Variants in USP45 observed in about 807,000 individuals in gnomAD.
The protein encoded by USP45 is ubiquitin specific peptidase 45.
In USP45, 89 loss-of-function variants were observed where a neutral mutation model predicts 95.8. The ratio of observed to expected loss-of-function variants is 0.93; its 90% CI spans 0.78 to 1.11. USP45 has a LOEUF of 1.11. USP45 is among the 50% of genes least tolerant of loss of function. The pLI is 0.00. For synonymous variants in USP45, 281 were observed against 316.2 expected, an observed-to-expected ratio of 0.89 and a Z score of 1.18; for missense variants, 898 against 942.5, an observed-to-expected ratio of 0.95 and a Z score of 0.62.
rs980687341 is a variant in USP45, at chr6:99,509,960, G to A, written c.100+161C>T. Among the ~76,000 whole-genome samples, 5 of 152,164 alleles carry A rather than the reference G, an allele frequency of 3.3e-5. No homozygotes were observed. The East Asian group carries it at 9.6e-4, about 29-fold the overall frequency. On this transcript the variant is annotated intron_variant, in intron 2 of 17. Coordinates refer to ENST00000500704, the MANE Select transcript of USP45 (RefSeq NM_001346022.3). ...TAGAAGTCAGCCTGCCAAGTATGCA[G>A]TTTTCACGCATCCCAAGAATAGTGT...
intron 2 of USP45, among the ~76,000 whole-genome samples, chr6:99,509,506 G>C (rs1006966874): frequency 6.6e-6 from 1 of 152,094 alleles, no homozygotes; most frequent in African/African-American, 2.4e-5. Context: ...TAGCAAGAAA[G>C]TGAGGAAAAT....
At chr6:99,480,664 CA>C (rs1295281593) in intron 8 of USP45, among the ~76,000 whole-genome samples, 88 of 129,906 alleles carry the variant, frequency 6.8e-4, no homozygotes, top group Non-Finnish European at 6.6e-4. Context: ...AACTCCGTCT[CA>C]AAAAAAAAAA....
chr6:99,490,992 CT>C (rs1256209726), intron 5 of USP45, among the ~76,000 whole-genome samples: 1 of 152,116 alleles, frequency 6.6e-6, no homozygotes, highest in African/African-American at 2.4e-5. Flanking sequence ...CCCCCTATTC[CT>C]GTTTTTTTTA....
At chr6:99,440,208 T>A (rs1781261949) in intron 15 of USP45, among the ~76,000 whole-genome samples, 1 of 152,202 alleles carries the variant, frequency 6.6e-6, no homozygotes, top group African/African-American at 2.4e-5. Context: ...ATTGGTGTTC[T>A]AGGCCTAACT....
chr6:99,493,926 C>G (rs544167488), intron 5 of USP45, among the ~76,000 whole-genome samples: 1 of 152,304 alleles, frequency 6.6e-6, no homozygotes, highest in South Asian at 2.1e-4. Context: ...TAAAAATTCT[C>G]TTCTTCCTTT....
At position 99,437,311 on chromosome 6, in the gene USP45, T is replaced by C; in HGVS notation, c.2249A>G (p.Tyr750Cys). ...GSMREGHYTA[Y>C]VKVRTPSRKL... ...CCTGGAGGGTGTTCTCACTTTCACATAAGCAGTGTAGTGGCCTTCTCTCAT... is the reference window on the plus strand; with the variant it reads ...CCTGGAGGGTGTTCTCACTTTCACACAAGCAGTGTAGTGGCCTTCTCTCAT... The change falls in exon 17 of 18, where the codon TAT becomes TGT. Residue 750 changes from tyrosine (Y) to cysteine (C), a missense_variant. Transcript: ENST00000500704. 6.2e-7 allele frequency: 1 copy of C among 1,613,964 alleles called. No individual in the cohort carries two copies. Among genetic ancestry groups the C allele is most frequent in the South Asian group, 1.1e-5 (1 of 91,022 alleles).
intron 13 of USP45, among the ~76,000 whole-genome samples, chr6:99,460,513 T>C (rs1786169967): frequency 6.6e-6 from 1 of 152,180 alleles, no homozygotes; most frequent in African/African-American, 2.4e-5. Context: ...AAAATTTACA[T>C]AGGTTAAGTT....
chr6:99,487,955 G>GT (rs1248341705), intron 7 of USP45, among the ~76,000 whole-genome samples: 1 of 152,158 alleles, frequency 6.6e-6, no homozygotes, highest in Non-Finnish European at 1.5e-5. Context: ...CTTCCAGTAT[G>GT]TTTATTTTAA....
rs542403692 is a variant in USP45 at position 99,432,352 on chromosome 6, C to T, written c.*3364G>A. 2 of 152,206 alleles carry T rather than the reference C, an allele frequency of 1.3e-5. No individual in the cohort carries two copies. Among genetic ancestry groups the T allele is most frequent in the African/African-American group, 4.8e-5 (2 of 41,506 alleles). The allele number at this position is 152,206 out of a possible 1,614,324, so 9.4% of individuals were successfully genotyped here. ...GTTGATGGTATTTTATTATAGCAGC[C>T]TGAGTGGACTAAGACATAAGCAAAT... is the stretch of plus-strand genomic sequence containing the variant. On this transcript the variant is annotated 3_prime_UTR_variant, in exon 18 of 18. Coordinates refer to ENST00000500704, the MANE Select transcript of USP45 (RefSeq NM_001346022.3).
upstream of USP45, among the ~76,000 whole-genome samples, chr6:99,516,673 C>T (rs575987135): frequency 1.3e-5 from 2 of 152,128 alleles, no homozygotes; most frequent in East Asian, 3.9e-4. Flanking sequence ...AGAAAATATT[C>T]CTCAAATAAG....
intron 9 of USP45, among the ~76,000 whole-genome samples, chr6:99,475,440 CA>C (rs1790578272): frequency 6.6e-6 from 1 of 151,604 alleles, no homozygotes; most frequent in Admixed American, 6.6e-5. Flanking sequence ...CTCAGCCTCC[CA>C]AGTAGCTAGG....
At chr6:99,474,385 A>G (rs1052144913) in intron 9 of USP45, among the ~76,000 whole-genome samples, 10 of 152,166 alleles carry the variant, frequency 6.6e-5, no homozygotes, top group Non-Finnish European at 1.3e-4. Flanking sequence ...TTTAGTAGAC[A>G]CATGGTTTCA....
In USP45 at chr6:99,446,194, G is replaced by C; in HGVS notation, c.1578C>G (p.Ser526=). Residue 526 remains serine, a synonymous_variant, in exon 14 of 18, where the codon TCC becomes TCG. Transcript: ENST00000500704. The part of the protein sequence containing the change: ...QTGLFRSSSG[S]GVQPDGPLYP... ...AAAGGGGTCCATCTGGCTGCACACC[G>C]GATCCACTACTGGATCTGAACAGCC... 1 of 1,614,090 alleles carries C rather than the reference G, an allele frequency of 6.2e-7. No homozygotes were observed. Among genetic ancestry groups the C allele is most frequent in the South Asian group, 1.1e-5 (1 of 91,080 alleles).
chr6:99,497,853 A>T (rs531151766), intron 5 of USP45, among the ~76,000 whole-genome samples: 1 of 152,106 alleles, frequency 6.6e-6, no homozygotes, highest in South Asian at 2.1e-4. Context: ...ACTTGCCTGA[A>T]CCTATCGAGC....
rs1419779888 is a variant in USP45 at position 99,468,534 on chromosome 6, T to C, written c.1015+3A>G. On this transcript the variant is annotated splice_donor_region_variant and intron_variant, in intron 10 of 17. Coordinates refer to ENST00000500704, the MANE Select transcript of USP45 (RefSeq NM_001346022.3). Reference sequence around the variant, plus strand: ...AAAAAGTTTTAACAAAGAGTCAACATACCTTTGACTTTTTTTCTAGTTTCA... The same window carrying C: ...AAAAAGTTTTAACAAAGAGTCAACACACCTTTGACTTTTTTTCTAGTTTCA... The C allele has an allele frequency of 2.5e-6, 4 of 1,583,508 alleles. No homozygotes were observed. Among genetic ancestry groups the C allele is most frequent in the Non-Finnish European group, 3.5e-6 (4 of 1,157,618 alleles).
At chr6:99,491,754 ATC>A (rs889239091) in intron 5 of USP45, among the ~76,000 whole-genome samples, 6 of 151,974 alleles carry the variant, frequency 3.9e-5, no homozygotes, top group Non-Finnish European at 5.9e-5. Flanking sequence ...CCTCAAAAAT[ATC>A]TTTTTTTTTT....
intron 5 of USP45, among the ~76,000 whole-genome samples, chr6:99,499,705 A>C (rs1796998785): frequency 6.6e-6 from 1 of 152,156 alleles, no homozygotes; most frequent in African/African-American, 2.4e-5. Context: ...CCATAAACAC[A>C]ATTAAGGCTT....
intron 13 of USP45, among the ~76,000 whole-genome samples, chr6:99,454,801 G>A (rs1308301009): frequency 3.9e-5 from 6 of 152,156 alleles, no homozygotes; most frequent in Non-Finnish European, 7.4e-5. Flanking sequence ...AAAACAGTAT[G>A]GAGATGGCTG....
intron 13 of USP45, among the ~76,000 whole-genome samples, chr6:99,449,624 T>C (rs780834788): frequency 3.5e-5 from 5 of 143,754 alleles, no homozygotes; most frequent in Middle Eastern, 3.7e-3. Flanking sequence ...GACAGATCAA[T>C]GAGACAGAAA....
Sources: gnomAD v4.1 joint callset for allele counts (sites outside exome capture counted in the v4.1 genomes callset) on GRCh38, gnomAD v4.1.1 for gene constraint, MANE v1.5 for transcripts, NCBI Gene and HGNC (gene_info 2026-07-23, HGNC 2026-07-21) for gene names.